Variants in ROBO2 observed in about 807,000 individuals in gnomAD.
The protein encoded by ROBO2 is roundabout guidance receptor 2.
ROBO2 carries 53 observed loss-of-function variants against 160.8 expected under a neutral mutation model. That is an observed-to-expected ratio of 0.33 (90% CI 0.26 to 0.41). The LOEUF (loss-of-function observed/expected upper bound fraction) is 0.41. ROBO2 is among the 10% of genes least tolerant of loss of function. ROBO2 has a pLI of 1.00. For synonymous variants in ROBO2, 664 were observed against 611.7 expected, an observed-to-expected ratio of 1.09 and a Z score of -1.26; for missense variants, 1,577 against 1,722.4, an observed-to-expected ratio of 0.92 and a Z score of 1.49.
intron 2 of ROBO2, among the ~76,000 whole-genome samples, chr3:76,976,757 CCA>C (rs1165432821): frequency 6.6e-6 from 1 of 152,092 alleles, no homozygotes; most frequent in Non-Finnish European, 1.5e-5. Flanking sequence ...TGAAAACAAA[CCA>C]AACACATTCT....
intron 2 of ROBO2, among the ~76,000 whole-genome samples, chr3:77,425,746 C>T (rs2078139409): frequency 6.6e-6 from 1 of 151,164 alleles, no homozygotes; most frequent in South Asian, 2.1e-4. Flanking sequence ...CTCACTGCAT[C>T]CTCCACTCCT....
At chr3:77,625,745 C>T (rs557317278) in intron 23 of ROBO2, among the ~76,000 whole-genome samples, 3 of 152,184 alleles carry the variant, frequency 2.0e-5, no homozygotes, top group South Asian at 4.1e-4. Flanking sequence ...TGGTTTTTCA[C>T]ATTTTTGAAA....
Position 76,033,108 on chromosome 3 carries a change from A to C in ROBO2, c.109+95506A>C, listed in dbSNP as rs557927503. 8.6e-4 allele frequency among the ~76,000 whole-genome samples: 131 copies of C among 152,318 alleles called. 2 individuals are homozygous for C. The highest frequency in any genetic ancestry group is 7.7e-3 in the South Asian group (37 of 4,826). ...GTAAAATGGATATAACAGCAAAAAA[A>C]AAAAATGGGGAGAAATGTTATTGTT... On this transcript the variant is annotated intron_variant, in intron 2 of 26. Transcript: ENST00000487694.
intron 2 of ROBO2, among the ~76,000 whole-genome samples, chr3:76,445,994 C>T (rs1336676925): frequency 6.6e-6 from 1 of 152,046 alleles, no homozygotes; most frequent in East Asian, 1.9e-4. Flanking sequence ...CAGGAATGCC[C>T]TCTCTCACCA....
intron 2 of ROBO2, among the ~76,000 whole-genome samples, chr3:77,200,671 C>T (rs1044087394): frequency 1.3e-5 from 2 of 151,996 alleles, no homozygotes; most frequent in Non-Finnish European, 2.9e-5. Flanking sequence ...CTTTCTTAGT[C>T]ACCATATGAC....
chr3:76,911,358 T>C (rs1012547661), intron 2 of ROBO2, among the ~76,000 whole-genome samples: 1 of 152,218 alleles, frequency 6.6e-6, no homozygotes, highest in Non-Finnish European at 1.5e-5. Flanking sequence ...GGAAAACCTT[T>C]TCCCCTTAAA....
At chr3:76,538,966 T>C (rs1407499717) in intron 2 of ROBO2, among the ~76,000 whole-genome samples, 1 of 152,068 alleles carries the variant, frequency 6.6e-6, no homozygotes, top group Admixed American at 6.6e-5. Flanking sequence ...AATGATAGAC[T>C]GGATAAAGAA....
intron 2 of ROBO2, among the ~76,000 whole-genome samples, chr3:76,544,403 A>C (rs2082981316): frequency 6.6e-6 from 1 of 152,018 alleles, no homozygotes; most frequent in African/African-American, 2.4e-5. Flanking sequence ...ATGATCATTT[A>C]TTTATATTAA....
chr3:76,737,707 T>A lies in ROBO2; in HGVS notation c.110-360307T>A, dbSNP rs1182231106. Among the ~76,000 whole-genome samples the A allele has an allele frequency of 2.1e-4, 32 of 152,212 alleles. 1 individual carries two copies. Among genetic ancestry groups the A allele is most frequent in the Admixed American group, 2.0e-3 (30 of 15,278 alleles). ...AGAAGAAGGGGAAACAACAAGAACT[T>A]CAACTTTACTCTAGAGAAATTGTAT... On this transcript the variant is annotated intron_variant, in intron 2 of 26. Transcript: ENST00000487694.
At chr3:76,871,276 C>T (rs2072025890) in intron 2 of ROBO2, among the ~76,000 whole-genome samples, 1 of 152,112 alleles carries the variant, frequency 6.6e-6, no homozygotes, top group Admixed American at 6.5e-5. Flanking sequence ...TACCTCTGGC[C>T]GGGCGCGGTG....
chr3:77,344,684 A>G (rs964062658), intron 2 of ROBO2, among the ~76,000 whole-genome samples: 1 of 152,158 alleles, frequency 6.6e-6, no homozygotes, highest in Admixed American at 6.6e-5. Context: ...AGCAGCCCAA[A>G]TGGACTGAAA....
intron 23 of ROBO2, chr3:77,632,451 T>G (rs973243384): frequency 6.6e-7 from 1 of 1,512,706 alleles, no homozygotes; most frequent in South Asian, 1.2e-5. Context: ...TACAACTCAC[T>G]AGACAACTAC....
Position 77,324,862 on chromosome 3 carries a change from G to C in ROBO2, c.389-152552G>C, listed in dbSNP as rs1354470181. 4.0e-5 allele frequency among the ~76,000 whole-genome samples: 6 copies of C among 149,586 alleles called. No individual in the cohort carries two copies. The East Asian group carries it at 9.8e-4, about 24-fold the overall frequency. ...ATTTTTAAACTAGCGCGTGTTTCCT[G>C]TAATTCTTAAAATTAAACAGAAATA... On this transcript the variant is annotated intron_variant, in intron 2 of 25. Coordinates refer to ENST00000461745, the Ensembl canonical transcript of ROBO2.
exon 3 of ROBO2, chr3:77,477,450 T>C: frequency 3.1e-6 from 5 of 1,613,934 alleles, no homozygotes; most frequent in Admixed American, 1.7e-5. Flanking sequence ...CCCACAGATG[T>C]TGTAGTGGCA....
At chr3:77,264,092 G>C (rs1016530364) in intron 2 of ROBO2, among the ~76,000 whole-genome samples, 7 of 151,950 alleles carry the variant, frequency 4.6e-5, no homozygotes, top group African/African-American at 1.7e-4. Flanking sequence ...AACCTCATCT[G>C]CCAATTTTTA....
chr3:76,114,392 G>A (rs951003743), intron 2 of ROBO2, among the ~76,000 whole-genome samples: 3 of 152,042 alleles, frequency 2.0e-5, no homozygotes, highest in Admixed American at 6.6e-5. Context: ...GTGATCATTA[G>A]CTGCAAACTC....
intron 2 of ROBO2, among the ~76,000 whole-genome samples, chr3:76,205,279 C>A (rs1320574582): frequency 6.6e-6 from 1 of 152,060 alleles, no homozygotes; most frequent in Non-Finnish European, 1.5e-5. Context: ...GCTGCTGCTT[C>A]TTTTTTAATT....
chr3:77,286,403 C>T (rs1308486985), intron 2 of ROBO2, among the ~76,000 whole-genome samples: 2 of 149,484 alleles, frequency 1.3e-5, no homozygotes, highest in Non-Finnish European at 1.5e-5. Flanking sequence ...ACTACAGGCA[C>T]ATGCCACCAT....
intron 2 of ROBO2, among the ~76,000 whole-genome samples, chr3:76,422,476 C>G (rs1401055542): frequency 6.6e-6 from 1 of 152,138 alleles, no homozygotes; most frequent in Admixed American, 6.5e-5. Flanking sequence ...GGCAGTGAAT[C>G]AACTTCTCAA....
Sources: allele counts gnomAD v4.1 joint callset (sites outside exome capture counted in the v4.1 genomes callset), GRCh38; gene constraint gnomAD v4.1.1; transcripts MANE v1.5; gene names NCBI Gene and HGNC (gene_info 2026-07-23, HGNC 2026-07-21).